Variants in TBC1D24 observed in about 807,000 individuals in gnomAD.
The protein encoded by TBC1D24 is Infantile myoclonic epilepsy.
Under a neutral mutation model 50.7 loss-of-function variants are expected in TBC1D24, and 47 were observed. That is an observed-to-expected ratio of 0.93 (90% confidence interval 0.73 to 1.18). The LOEUF is 1.18. TBC1D24 is among the 50% of genes most tolerant of loss of function. TBC1D24 has a pLI of 0.00. For synonymous variants in TBC1D24, 324 were observed against 335.2 expected, an observed-to-expected ratio of 0.97 and a Z score of 0.36; for missense variants, 688 against 766.5, an observed-to-expected ratio of 0.90 and a Z score of 1.21.
intron 1 of TBC1D24, chr16:2,479,699 C>T (rs1332531800): frequency 1.3e-5 from 2 of 152,314 alleles, no homozygotes; most frequent in Non-Finnish European, 2.9e-5. Flanking sequence ...GAGCTGTTAT[C>T]TACACCCTCC....
intron 3 of TBC1D24, 50 bp downstream of exon 3, chr16:2,497,777 C>T: frequency 1.3e-6 from 2 of 1,526,422 alleles, no homozygotes; most frequent in Non-Finnish European, 1.8e-6. Context: ...TTCCACCAGG[C>T]TGACTCTAGG....
Position 2,482,804 on chromosome 16 carries a change from G to A in TBC1D24, c.-116+7634G>A, listed in dbSNP as rs1213413650. On this transcript the variant is annotated intron_variant, in intron 1 of 7. Coordinates refer to ENST00000646147, the MANE Select transcript of TBC1D24 (RefSeq NM_001199107.2). The surrounding 1 kb of genome is among the most constrained non-coding windows in gnomAD (Gnocchi z 5.2). Reference sequence around the variant, plus strand: ...TGGGCTCCATTGGAGAGACAGGCACGGGCGGTGGAGGAGCAGCCGCGGAGA... The same window carrying A: ...TGGGCTCCATTGGAGAGACAGGCACAGGCGGTGGAGGAGCAGCCGCGGAGA... 6.6e-6 allele frequency among the ~76,000 whole-genome samples: 1 copy of A among 152,140 alleles called. No individual in the cohort carries two copies. The highest frequency in any genetic ancestry group is 1.5e-5 in the Non-Finnish European group (1 of 68,004).
Position 2,501,206 on chromosome 16 carries a change from G to A in TBC1D24, c.*248G>A. 1.7e-6 allele frequency: 1 copy of A among 582,802 alleles called. No homozygotes were observed. The highest frequency in any genetic ancestry group is 2.9e-5 in the East Asian group (1 of 34,658). The allele number at this position is 582,802 out of a possible 1,614,324, so 36.1% of individuals were successfully genotyped here. Reference sequence around the variant, plus strand: ...CCTGCTGTGCCCCCAGCCCCACCCAGAGCTGGCATAGGAAGTACCTTCCTC... The same window carrying A: ...CCTGCTGTGCCCCCAGCCCCACCCAAAGCTGGCATAGGAAGTACCTTCCTC... On this transcript the variant is annotated 3_prime_UTR_variant, in exon 8 of 8. Transcript: ENST00000646147.
At chr16:2,478,043 C>A in intron 1 of TBC1D24, 1 of 152,420 alleles carries the variant, frequency 6.6e-6, no homozygotes. Context: ...GGCATGAAGC[C>A]TCTGAAGATC....
At chr16:2,476,491 C>T (rs1949663417) in intron 1 of TBC1D24, 1 of 152,258 alleles carries the variant, frequency 6.6e-6, no homozygotes, top group African/African-American at 2.4e-5. Context: ...GGCGTGACCC[C>T]TGCGTGCACC....
intron 3 of TBC1D24, 140 bp downstream of exon 3, chr16:2,497,867 A>G (rs1000274525): frequency 2.3e-6 from 2 of 862,760 alleles, no homozygotes; most frequent in Admixed American, 2.1e-5. Flanking sequence ...ACTGATGCTC[A>G]GGCGCCTTCT....
chr16:2,486,454 C>CT lies in TBC1D24; in HGVS notation c.-115-9580_-115-9579insT, dbSNP rs772403588. ...TGAGGTCCAGCCACACAGAACCCCGCGTCCTTGATAGCTTGTCAGCTGCTG... is the reference window on the plus strand; with the variant it reads ...TGAGGTCCAGCCACACAGAACCCCGCTGTCCTTGATAGCTTGTCAGCTGCTG... On this transcript the variant is annotated intron_variant, in intron 1 of 7. Transcript: ENST00000646147. This position sits in a 1 kb window ranked among gnomAD's most constrained non-coding sequence, Gnocchi z 5.8. Among the ~76,000 whole-genome samples, 460 of 152,356 alleles carry CT rather than the reference C, an allele frequency of 3.0e-3. 1 individual carries two copies. Among genetic ancestry groups the CT allele is most frequent in the Non-Finnish European group, 4.0e-3 (269 of 68,040 alleles).
rs73490286 is a variant in TBC1D24, at chr16:2,499,007, C to T, written c.1143-350C>T. ...AGCTCCAGGCGCCACGTTGGCAGACCAGGGCCTCTTTGGCTCCCACATGCC... is the reference window on the plus strand; with the variant it reads ...AGCTCCAGGCGCCACGTTGGCAGACTAGGGCCTCTTTGGCTCCCACATGCC... On this transcript the variant is annotated intron_variant, in intron 4 of 7. Transcript: ENST00000646147. The surrounding 1 kb of genome is among the most constrained non-coding windows in gnomAD (Gnocchi z 4.0). Among the ~76,000 whole-genome samples, 2,892 of 152,358 alleles carry T rather than the reference C, an allele frequency of 0.019. 100 individuals are homozygous for T. The highest frequency in any genetic ancestry group is 0.065 in the African/African-American group (2,721 of 41,584).
intron 3 of TBC1D24, 115 bp from the exon 4 acceptor site, chr16:2,498,123 C>T: frequency 1.5e-6 from 2 of 1,375,112 alleles, no homozygotes; most frequent in Non-Finnish European, 2.0e-6. Flanking sequence ...CCGGGGCAAG[C>T]AGGCGAGAAG....
rs1376844321 is a variant in TBC1D24 at position 2,496,529 on chromosome 16, C to T, written c.381C>T (p.Asp127=). The T allele has an allele frequency of 1.9e-6, 3 of 1,608,816 alleles. No homozygotes were observed. The highest frequency in any genetic ancestry group is 2.5e-6 in the Non-Finnish European group (3 of 1,179,970). Residue 127 remains aspartate, a synonymous_variant, in exon 2 of 8, where the codon GAC becomes GAT. Coordinates refer to ENST00000646147, the MANE Select transcript of TBC1D24 (RefSeq NM_001199107.2). ...TGTGCCTGGCCAACCAGTTCCCCGACATCTCCTTCTGCCCCGCCCTGCCGG... is the reference window on the plus strand; with the variant it reads ...TGTGCCTGGCCAACCAGTTCCCCGATATCTCCTTCTGCCCCGCCCTGCCGG... ...ILLCLANQFP[D]ISFCPALPAV...
Position 2,487,353 on chromosome 16 carries a change from G to GCGGT in TBC1D24, c.-115-8678_-115-8675dup, listed in dbSNP as rs1376473553. On this transcript the variant is annotated intron_variant, in intron 1 of 7. Coordinates refer to ENST00000646147, the MANE Select transcript of TBC1D24 (RefSeq NM_001199107.2). The surrounding 1 kb of genome is among the most constrained non-coding windows in gnomAD (Gnocchi z 4.1). ...TGACTAACTGCAGGACGAGGGAGCC[G>GCGGT]CGGTCGTATGCTGCCTCCTCACGTT... 2.0e-5 allele frequency among the ~76,000 whole-genome samples: 3 copies of GCGGT among 152,210 alleles called. No individual in the cohort carries two copies. Among genetic ancestry groups the GCGGT allele is most frequent in the Non-Finnish European group, 4.4e-5 (3 of 68,036 alleles).
rs555594392 is a variant in TBC1D24 at position 2,482,900 on chromosome 16, G to A, written c.-116+7730G>A. On this transcript the variant is annotated intron_variant, in intron 1 of 7. Coordinates refer to ENST00000646147, the MANE Select transcript of TBC1D24 (RefSeq NM_001199107.2). This position sits in a 1 kb window ranked among gnomAD's most constrained non-coding sequence, Gnocchi z 5.2. ...GCAGCTGGGAGATCTGGCGGCCAGC[G>A]CGGCCAGCGGCGGGAGGGCCGGAAG... is the stretch of plus-strand genomic sequence containing the variant. 83 of 153,512 alleles carry A rather than the reference G, an allele frequency of 5.4e-4. No individual in the cohort carries two copies. The Middle Eastern group carries it at 0.02, about 37-fold the overall frequency. The allele number at this position is 153,512 out of a possible 1,614,324, so 9.5% of individuals were successfully genotyped here.
intron 1 of TBC1D24, among the ~76,000 whole-genome samples, chr16:2,476,135 T>C (rs1194698005): frequency 1.3e-5 from 2 of 152,230 alleles, no homozygotes; most frequent in African/African-American, 2.4e-5. Context: ...CTGTGTTTGC[T>C]CTGGAGTCAC....
At chr16:2,489,665 C>T (rs1375729271) in intron 1 of TBC1D24, among the ~76,000 whole-genome samples, 1 of 152,090 alleles carries the variant, frequency 6.6e-6, no homozygotes, top group Non-Finnish European at 1.5e-5. Context: ...GAGAGAGCTG[C>T]CCCTGGCCCG....
In TBC1D24 at chr16:2,500,872, A is replaced by G; in HGVS notation, c.1594A>G (p.Thr532Ala). ...CCGGGGCCGCACAAGCCACTGCGAC[A>G]CCTTCAACAACCAGCCCCTCTGCTC... ...LNRGRTSHCD[T>A]FNNQPLCSEN... Residue 532 changes from threonine to alanine, a missense_variant, in exon 8 of 8, where the codon ACC (threonine) becomes GCC (alanine). Physicochemically the swap from Thr to Ala is moderately conservative, Grantham distance 58. Transcript: ENST00000646147. This position sits in a 1 kb window ranked among gnomAD's most constrained non-coding sequence, Gnocchi z 8.0. The G allele has an allele frequency of 3.1e-6, 5 of 1,612,834 alleles. No homozygotes were observed. Among genetic ancestry groups the G allele is most frequent in the Middle Eastern group, 1.6e-4 (1 of 6,062 alleles).
rs765309001 is a variant in TBC1D24 at position 2,496,337 on chromosome 16, C to T, written c.189C>T (p.Pro63=). The change falls in exon 2 of 8, where the codon CCC becomes CCT. Residue 63 remains proline, a synonymous_variant. Coordinates refer to ENST00000646147, the MANE Select transcript of TBC1D24 (RefSeq NM_001199107.2). The part of the protein sequence containing the change: ...KVYQRLIRDI[P]CRTVTPDASV... ...ACCAGCGCCTGATCCGGGACATTCC[C>T]TGCCGCACGGTCACGCCTGACGCCA... The T allele has an allele frequency of 6.2e-7, 1 of 1,613,612 alleles. No homozygotes were observed. The highest frequency in any genetic ancestry group is 1.1e-5 in the South Asian group (1 of 91,086).
chr16:2,501,435 G>A lies in TBC1D24; in HGVS notation c.*477G>A, dbSNP rs1243845198. 1.1e-5 allele frequency: 2 copies of A among 178,740 alleles called. No individual in the cohort carries two copies. Among genetic ancestry groups the A allele is most frequent in the East Asian group, 1.6e-4 (1 of 6,288 alleles). 11.1% of individuals were successfully genotyped at this position (178,740 alleles called of 1,614,324 possible). A position where few individuals can be genotyped will look rare whatever the true frequency, so the allele number is the denominator to read the frequency against. On this transcript the variant is annotated 3_prime_UTR_variant, in exon 8 of 8. Transcript: ENST00000646147. ...GGGCCCTGCAGCCTGGCTGGCTGGCGACTGAATCCCAGCGTAGATCCCGAG... is the reference window on the plus strand; with the variant it reads ...GGGCCCTGCAGCCTGGCTGGCTGGCAACTGAATCCCAGCGTAGATCCCGAG...
chr16:2,482,972 G>A lies in TBC1D24; in HGVS notation c.-116+7802G>A, dbSNP rs78183690. On this transcript the variant is annotated intron_variant, in intron 1 of 7. Coordinates refer to ENST00000646147, the MANE Select transcript of TBC1D24 (RefSeq NM_001199107.2). This position sits in a 1 kb window ranked among gnomAD's most constrained non-coding sequence, Gnocchi z 5.2. ...CAGCCACTTGGCTCAGAAGGAAAAC[G>A]GAGAAGAGGTGGAGCTGGAGTGGAG... 1.3e-5 allele frequency: 2 copies of A among 153,062 alleles called. No individual in the cohort carries two copies. The highest frequency in any genetic ancestry group is 2.0e-4 in the South Asian group (1 of 4,934). 9.5% of individuals were successfully genotyped at this position (153,062 alleles called of 1,614,324 possible). A position where few individuals can be genotyped will look rare whatever the true frequency, so the allele number is the denominator to read the frequency against.
Position 2,500,210 on chromosome 16 carries a change from G to A in TBC1D24, c.1303-58G>A. 2.7e-6 allele frequency: 4 copies of A among 1,455,632 alleles called. No individual in the cohort carries two copies. Among genetic ancestry groups the A allele is most frequent in the South Asian group, 2.4e-5 (2 of 82,456 alleles). 90.2% of individuals were successfully genotyped at this position (1,455,632 alleles called of 1,614,324 possible). A position where few individuals can be genotyped will look rare whatever the true frequency, so the allele number is the denominator to read the frequency against. ...ACGGGATGAAACGGGTTGTGGCTCT[G>A]GGGCAGAGGGGCCTGCGAACGCCCG... On this transcript the variant is annotated intron_variant, in intron 6 of 7. Transcript: ENST00000646147. This position sits in a 1 kb window ranked among gnomAD's most constrained non-coding sequence, Gnocchi z 8.0.
Sources: allele counts gnomAD v4.1 joint callset (sites outside exome capture counted in the v4.1 genomes callset), GRCh38; gene constraint gnomAD v4.1.1; non-coding constraint Gnocchi (gnomAD v3.1); transcripts MANE v1.5; gene names NCBI Gene and HGNC (gene_info 2026-07-23, HGNC 2026-07-21).